The following NUP98 variants were observed in gnomAD, a reference collection of about 807,000 sequenced individuals.
The protein encoded by NUP98 is nuclear pore complex protein Nup98-Nup96.
Under a neutral mutation model 191.9 loss-of-function variants are expected in NUP98, and 26 were observed. The ratio of observed to expected loss-of-function variants is 0.14; its 90% CI spans 0.10 to 0.19. NUP98 has a LOEUF of 0.19. Among genes scored for constraint, NUP98 ranks in the 10% least tolerant of loss-of-function variants. NUP98 has a pLI of 1.00. For synonymous variants in NUP98, 808 were observed against 778.4 expected (o/e 1.04, Z -0.63); for missense variants, 1,941 against 2,178.8 (o/e 0.89, Z 2.17).
At position 3,794,159 on chromosome 11, in the gene NUP98, C is replaced by T. The variant is rs577430685; in HGVS notation, c.-29+3241G>A. ...CCTACAATATACAACAGAGCCCCCA[C>T]GATAATTATCTGGCCCAAAGTCTCA... On this transcript the variant is annotated intron_variant, in intron 1 of 32. Coordinates refer to ENST00000324932, the MANE Select transcript of NUP98 (RefSeq NM_016320.5). Among the ~76,000 whole-genome samples, 159 of 152,158 alleles carry T rather than the reference C, an allele frequency of 1.0e-3. 2 individuals carry two copies. In the Middle Eastern group the frequency reaches 0.02, roughly 20 times the overall value.
At chr11:3,796,190 T>C (rs1009775404) in intron 1 of NUP98, among the ~76,000 whole-genome samples, 1 of 152,202 alleles carries the variant, frequency 6.6e-6, no homozygotes, top group African/African-American at 2.4e-5. Context: ...AAAACGGAGT[T>C]TTATTTCCTC....
chr11:3,776,130 T>A, intron 4 of NUP98, 109 bp from the exon 5 acceptor site: 1 of 832,408 alleles, frequency 1.2e-6, no homozygotes. Flanking sequence ...CATTTTTTTT[T>A]TTTTTTTTTG....
intron 12 of NUP98, among the ~76,000 whole-genome samples, chr11:3,742,872 T>C (rs78282879): frequency 0.017 from 2,534 of 152,276 alleles, 70 homozygotes; most frequent in African/African-American, 0.058. Context: ...TCTCAAAACC[T>C]GACACATGTA....
intron 23 of NUP98, among the ~76,000 whole-genome samples, 130 bp downstream of exon 23, chr11:3,702,305 ACACACACACTCTCTCTCTCTCTCTCTCT>A (rs1375344632): frequency 1.0e-4 from 6 of 59,382 alleles, no homozygotes; most frequent in African/African-American, 3.7e-4. Flanking sequence ...ACACACACAC[ACACACACACTCTCTCTCTCTCTCTCTCT>A]CTCTCTCTCT....
At chr11:3,783,008 C>T (rs1207399577) in intron 1 of NUP98, among the ~76,000 whole-genome samples, 1 of 152,182 alleles carries the variant, frequency 6.6e-6, no homozygotes, top group Non-Finnish European at 1.5e-5. Flanking sequence ...CTGACATTCT[C>T]TTTGAGATTA....
At chr11:3,713,688 C>T in intron 19 of NUP98, 130 bp downstream of exon 19, 2 of 879,008 alleles carry the variant, frequency 2.3e-6, no homozygotes, top group Non-Finnish European at 3.4e-6. Flanking sequence ...CATTGTACTC[C>T]AGCCTGAGCA....
intron 12 of NUP98, among the ~76,000 whole-genome samples, chr11:3,736,923 G>T (rs572750556): frequency 6.6e-6 from 1 of 151,996 alleles, no homozygotes; most frequent in Non-Finnish European, 1.5e-5. Flanking sequence ...AAAGAAAAAA[G>T]AAATCACTAA....
chr11:3,780,223 A>T (rs2081909757), intron 2 of NUP98, among the ~76,000 whole-genome samples: 1 of 151,848 alleles, frequency 6.6e-6, no homozygotes, highest in Non-Finnish European at 1.5e-5. Flanking sequence ...ATCAGGAGCC[A>T]CTTAAGAAAA....
In NUP98 at chr11:3,773,666, G is replaced by C. The variant is rs1323665973; in HGVS notation, c.569C>G (p.Thr190Ser). The change falls in exon 6 of 33, where the codon ACT (threonine) becomes AGT (serine). Residue 190 changes from threonine to serine, a missense_variant. Physicochemically the swap from Thr to Ser is moderately conservative, Grantham distance 58. Transcript: ENST00000324932. Reference sequence around the variant, plus strand: ...CTTGCTTTCATATTCTTTCATAGCAGTAATACACTGGTGCTTGGTACTTAT... The same window carrying C: ...CTTGCTTTCATATTCTTTCATAGCACTAATACACTGGTGCTTGGTACTTAT... ...TNISTKHQCI[T>S]AMKEYESKSL... is the part of the protein sequence containing the mutation. 1 of 1,612,032 alleles carries C rather than the reference G, an allele frequency of 6.2e-7. No individual in the cohort carries two copies. The highest frequency in any genetic ancestry group is 1.3e-5 in the African/African-American group (1 of 74,986).
intron 28 of NUP98, among the ~76,000 whole-genome samples, chr11:3,688,916 T>G (rs2078218951): frequency 6.7e-6 from 1 of 148,288 alleles, no homozygotes; most frequent in Admixed American, 6.7e-5. Context: ...AAACAAAAAC[T>G]GTAAGTATTT....
chr11:3,762,279 GT>G (rs750354577), intron 9 of NUP98, among the ~76,000 whole-genome samples: 1,917 of 142,002 alleles, frequency 0.013, 26 homozygotes, highest in African/African-American at 0.041. Flanking sequence ...CCAGCTAGTG[GT>G]TTTTTTTTTT....
intron 8 of NUP98, 127 bp from the exon 9 acceptor site, chr11:3,763,166 A>G (rs1242494341): frequency 1.2e-6 from 1 of 823,586 alleles, no homozygotes; most frequent in Non-Finnish European, 1.8e-6. Flanking sequence ...AATAACTTAT[A>G]TAGATTATTT....
chr11:3,719,588 A>G, intron 17 of NUP98, 38 bp from the exon 18 acceptor site: 1 of 1,425,178 alleles, frequency 7.0e-7, no homozygotes, highest in Non-Finnish European at 9.4e-7. Context: ...TTCATTCTGT[A>G]TGAAGGCAAA....
In NUP98 at chr11:3,793,371, CCTCTGCCTCCTGGGTTCAAGCGATT is replaced by C. The variant is rs1171605980; in HGVS notation, c.-29+4004_-29+4028del. On this transcript the variant is annotated intron_variant, in intron 1 of 32. Transcript: ENST00000324932. ...GTGGTGCAATCTGCGCTCACTGCAACCTCTGCCTCCTGGGTTCAAGCGATTCTCTGCCTCAGCCTCCCAGTAGCTG... is the reference window on the plus strand; with the variant it reads ...GTGGTGCAATCTGCGCTCACTGCAACCTCTGCCTCAGCCTCCCAGTAGCTG... Among the ~76,000 whole-genome samples the C allele has an allele frequency of 3.3e-5, 5 of 152,016 alleles. No individual in the cohort carries two copies. In the East Asian group the frequency reaches 5.9e-4, roughly 18 times the overall value.
At chr11:3,734,702 G>T (rs902596105) in intron 13 of NUP98, among the ~76,000 whole-genome samples, 1 of 152,130 alleles carries the variant, frequency 6.6e-6, no homozygotes, top group African/African-American at 2.4e-5. Flanking sequence ...TTAAGATTTT[G>T]GTTATGCCAC....
intron 2 of NUP98, among the ~76,000 whole-genome samples, chr11:3,780,553 A>G (rs1423486857): frequency 2.7e-5 from 4 of 146,312 alleles, no homozygotes; most frequent in African/African-American, 8.1e-5. Context: ...AAAAAAAAAA[A>G]AAAAAAAAAG....
Position 3,679,608 on chromosome 11 carries a change from C to G in NUP98, c.5019G>C (p.Gly1673=), listed in dbSNP as rs774012305. 18 of 1,614,040 alleles carry G rather than the reference C, an allele frequency of 1.1e-5. No homozygotes were observed. In the South Asian group the frequency reaches 2.0e-4, roughly 18 times the overall value. ...SSLIQDWETS[G]LVYLDYIRVI... is the part of the protein sequence containing the mutation. ...CTCTAATATAGTCCAGGTAAACAAG[C>G]CCAGATGTTTCCCAATCCTGAATTA... The change falls in exon 31 of 33, where the codon GGG becomes GGC. Residue 1673 remains glycine (G), a synonymous_variant. Transcript: ENST00000324932.
chr11:3,764,408 A>C (rs1194131756), intron 8 of NUP98, among the ~76,000 whole-genome samples: 1 of 152,166 alleles, frequency 6.6e-6, no homozygotes, highest in East Asian at 1.9e-4. Context: ...TGTTATGTTC[A>C]CTTGTGTACA....
intron 12 of NUP98, among the ~76,000 whole-genome samples, chr11:3,743,285 G>C (rs1474462443): frequency 6.6e-6 from 1 of 150,526 alleles, no homozygotes; most frequent in Non-Finnish European, 1.5e-5. Context: ...CCAAAGTACT[G>C]GGATTATAGG....
Sources: gnomAD v4.1 joint callset for allele counts (sites outside exome capture counted in the v4.1 genomes callset) on GRCh38, gnomAD v4.1.1 for gene constraint, MANE v1.5 for transcripts, NCBI Gene and HGNC (gene_info 2026-07-23, HGNC 2026-07-21) for gene names.